Variants in TKTL1 observed in about 807,000 individuals in gnomAD.
TKTL1 encodes the protein transketolase like 1.
A neutral mutation model predicts 39.3 loss-of-function variants in TKTL1; 1 was observed. The observed-to-expected ratio is 0.03, with a 90% CI of 0.01 to 0.12. The LOEUF (loss-of-function observed/expected upper bound fraction) is 0.12, where lower values mean the gene tolerates loss of function less well. Among genes scored for constraint, TKTL1 ranks in the 10% least tolerant of loss-of-function variants. The pLI is 1.00. For synonymous variants in TKTL1, 262 were observed against 193.8 expected (o/e 1.35, Z -2.92); for missense variants, 575 against 509.6 (o/e 1.13, Z -1.24).
In TKTL1 at chrX:154,329,869, T is replaced by G. The variant is rs1290782722; in HGVS notation, c.*181T>G. The G allele has an allele frequency of 2.3e-6, 1 of 439,002 alleles. No individual in the cohort carries two copies. The highest frequency in any genetic ancestry group is 3.7e-6 in the Non-Finnish European group (1 of 271,003). The allele number at this position is 439,002 out of a possible 1,213,427, so 36.2% of individuals were successfully genotyped here. On this transcript the variant is annotated 3_prime_UTR_variant, in exon 13 of 13. Coordinates refer to ENST00000369915, the MANE Select transcript of TKTL1 (RefSeq NM_012253.4). ...TTACCCTTTAAACTGTCACTGCATA[T>G]GCAAGTACCGCTCTAATTTTTGGAT...
At chrX:154,321,610 A>G (rs2067451863) in intron 8 of TKTL1, among the ~76,000 whole-genome samples, 1 of 108,318 alleles carries the variant, frequency 9.2e-6, no homozygotes, top group African/African-American at 3.4e-5. Flanking sequence ...AGTCTCCGGG[A>G]TTCCTCACTT....
intron 2 of TKTL1, among the ~76,000 whole-genome samples, chrX:154,306,264 G>A (rs984232753): frequency 8.9e-6 from 1 of 112,160 alleles, no homozygotes; most frequent in African/African-American, 3.2e-5. Flanking sequence ...AGCCGAGATC[G>A]TGCCACTGCA....
chrX:154,299,453 C>T (rs1191453188), intron 1 of TKTL1, among the ~76,000 whole-genome samples: 1 of 110,604 alleles, frequency 9.0e-6, no homozygotes, highest in Non-Finnish European at 1.9e-5. Flanking sequence ...CCGCACCCAG[C>T]CTCTCATTTT....
chrX:154,310,923 G>A lies in TKTL1; in HGVS notation c.438G>A (p.Leu146=). 8.3e-7 allele frequency: 1 copy of A among 1,211,977 alleles called. No individual in the cohort carries two copies. Among genetic ancestry groups the A allele is most frequent in the African/African-American group, 1.7e-5 (1 of 57,886 alleles). ...EAMAFASYYS[L]DNLVAIFDVN... is the part of the protein sequence containing the mutation. ...TGGCCTTTGCTTCCTACTACAGTCT[G>A]GACAATCTTGTGGCAATCTTTGATG... The change falls in exon 4 of 13, where the codon CTG becomes CTA. Residue 146 remains leucine, a synonymous_variant. Coordinates refer to ENST00000369915, the MANE Select transcript of TKTL1 (RefSeq NM_012253.4).
At chrX:154,308,775 C>A (rs1031791950) in intron 2 of TKTL1, among the ~76,000 whole-genome samples, 1 of 109,583 alleles carries the variant, frequency 9.1e-6, no homozygotes, top group Admixed American at 9.8e-5. Flanking sequence ...GGGGTAGATG[C>A]TAGTAGAAAG....
At chrX:154,320,590 C>A in intron 7 of TKTL1, 167 bp from the exon 8 acceptor site, 2 of 519,591 alleles carry the variant, frequency 3.8e-6, no homozygotes, top group Non-Finnish European at 3.3e-6. Flanking sequence ...GCAGGAGGGA[C>A]GGACGGGTGC....
chrX:154,308,746 C>T (rs2067333579), intron 2 of TKTL1, among the ~76,000 whole-genome samples: 1 of 109,666 alleles, frequency 9.1e-6, no homozygotes, highest in South Asian at 3.9e-4. Context: ...CCTGTGCCTG[C>T]AAACAGGATG....
intron 10 of TKTL1, 112 bp from the exon 11 acceptor site, chrX:154,327,479 A>T (rs2047075036): frequency 3.0e-6 from 2 of 658,614 alleles, no homozygotes. Flanking sequence ...TGAGTTATTA[A>T]GGAGTGAAAT....
chrX:154,297,547 C>T (rs897431620), intron 1 of TKTL1, among the ~76,000 whole-genome samples: 18 of 111,892 alleles, frequency 1.6e-4, no homozygotes, highest in Non-Finnish European at 2.8e-4. Context: ...TGAGCCACCG[C>T]GCCTGGCCTG....
intron 2 of TKTL1, among the ~76,000 whole-genome samples, chrX:154,307,028 G>A (rs2067320307): frequency 9.6e-6 from 1 of 104,438 alleles, no homozygotes; most frequent in Non-Finnish European, 1.9e-5. Context: ...GGGTACAGTG[G>A]CTCACACCAG....
Position 154,300,247 on chromosome X carries a change from C to T in TKTL1, c.134+4254C>T, listed in dbSNP as rs6655279. Among the ~76,000 whole-genome samples, 688 of 112,118 alleles carry T rather than the reference C, an allele frequency of 6.1e-3. 9 individuals carry two copies. The highest frequency in any genetic ancestry group is 0.02 in the African/African-American group (633 of 30,882). On this transcript the variant is annotated intron_variant, in intron 1 of 12. Coordinates refer to ENST00000369915, the MANE Select transcript of TKTL1 (RefSeq NM_012253.4). ...GCCAGGCTGATCTCGGTCTCTTGAC[C>T]TGGTGATCGCCTGCCTTGGCCTCCC...
chrX:154,302,496 C>T (rs1417795993), intron 1 of TKTL1, among the ~76,000 whole-genome samples: 1 of 111,046 alleles, frequency 9.0e-6, no homozygotes, highest in African/African-American at 3.3e-5. Flanking sequence ...CCCCCGTATC[C>T]TCACATGGTC....
intron 1 of TKTL1, among the ~76,000 whole-genome samples, chrX:154,303,475 CCTG>C (rs1375696608): frequency 1.0e-5 from 1 of 97,451 alleles, no homozygotes; most frequent in Non-Finnish European, 2.0e-5. Flanking sequence ...AAGCAATCCT[CCTG>C]CATCATCCTC....
At chrX:154,322,502 G>T (rs1299325345) in intron 8 of TKTL1, among the ~76,000 whole-genome samples, 3 of 111,283 alleles carry the variant, frequency 2.7e-5, no homozygotes, top group Non-Finnish European at 5.7e-5. Context: ...GTGCGCTCAA[G>T]CCTGGGCAAC....
chrX:154,316,531 A>G (rs1395390744), intron 7 of TKTL1, among the ~76,000 whole-genome samples: 1 of 111,025 alleles, frequency 9.0e-6, no homozygotes, highest in African/African-American at 3.3e-5. Context: ...CCAGCCTGTG[A>G]AACAGCGAGA....
chrX:154,320,581 C>T (rs1569551095), intron 7 of TKTL1, 176 bp from the exon 8 acceptor site: 1 of 493,139 alleles, frequency 2.0e-6, no homozygotes, highest in East Asian at 3.4e-5. Flanking sequence ...GCCGTCTGAG[C>T]AGGAGGGACG....
At chrX:154,301,442 G>A (rs782200812) in intron 1 of TKTL1, among the ~76,000 whole-genome samples, 3 of 111,480 alleles carry the variant, frequency 2.7e-5, no homozygotes, top group Admixed American at 9.5e-5. Flanking sequence ...ACTTGAACCC[G>A]GAAGGTGGAG....
At chrX:154,303,918 C>A (rs1378060618) in intron 1 of TKTL1, among the ~76,000 whole-genome samples, 3 of 103,014 alleles carry the variant, frequency 2.9e-5, no homozygotes, top group African/African-American at 7.1e-5. Context: ...ACATGCATTT[C>A]TGTTGGTCTT....
chrX:154,318,466 G>A (rs1214013696), intron 7 of TKTL1, among the ~76,000 whole-genome samples: 5 of 107,240 alleles, frequency 4.7e-5, no homozygotes, highest in East Asian at 2.9e-4. Context: ...TTGGGAGGCC[G>A]AGGCGGACGG....
Sources: gnomAD v4.1 joint callset for allele counts (sites outside exome capture counted in the v4.1 genomes callset) on GRCh38, gnomAD v4.1.1 for gene constraint, MANE v1.5 for transcripts, NCBI Gene and HGNC (gene_info 2026-07-23, HGNC 2026-07-21) for gene names.